The following FKBP15 variants were observed in gnomAD, a reference collection of about 807,000 sequenced individuals.
FKBP15 encodes FKBP prolyl isomerase family member 15.
FKBP15 carries 106 observed loss-of-function variants against 158.1 expected under a neutral mutation model. The observed-to-expected ratio is 0.67, with a 90% CI of 0.57 to 0.79. FKBP15 has a LOEUF of 0.79. FKBP15 is among the 30% of genes least tolerant of loss of function. The pLI, the probability that FKBP15 is intolerant of heterozygous loss-of-function variation, is 0.00. For missense variants in FKBP15, 1,287 were observed against 1,479.1 expected (o/e 0.87, Z 2.13); for synonymous variants, 547 against 548.6 (o/e 1.00, Z 0.04).
At position 113,211,644 on chromosome 9, in the gene FKBP15, AATT is replaced by A. The variant is rs534386590; in HGVS notation, c.54-55_54-53del. 1.9e-4 allele frequency: 256 copies of A among 1,361,034 alleles called. 1 individual carries two copies. In the African/African-American group the frequency reaches 3.3e-3, roughly 17 times the overall value. The allele number at this position is 1,361,034 out of a possible 1,614,324, so 84.3% of individuals were successfully genotyped here. On this transcript the variant is annotated intron_variant, in intron 1 of 27. Transcript: ENST00000238256. ...TTTCACTGATATATCCCAAACCTGG[AATT>A]ATTATAAAAGCTGCTCATCTCCAAC...
rs367900934 is a variant in FKBP15, at chr9:113,187,777, G to C, written c.1383+16C>G. ...GCAAATTATAGGATATAATTAATAC[G>C]GTTATAAAATGTTACCTGAAAGGAT... On this transcript the variant is annotated intron_variant, in intron 14 of 27. Coordinates refer to ENST00000238256, the MANE Select transcript of FKBP15 (RefSeq NM_015258.2). 9 of 1,577,754 alleles carry C rather than the reference G, an allele frequency of 5.7e-6. No homozygotes were observed. In the African/African-American group the frequency reaches 1.1e-4, roughly 19 times the overall value.
rs1830045017 is a variant in FKBP15 at position 113,163,159 on chromosome 9, A to C, written c.*2919T>G. On this transcript the variant is annotated 3_prime_UTR_variant, in exon 28 of 28. Transcript: ENST00000238256. ...CTTGTGTCTTAAGACAGCTGCTGTG[A>C]CCAAAGGGAGAATGGAGATAACAGG... 5.8e-6 allele frequency: 2 copies of C among 345,618 alleles called. No homozygotes were observed. Among genetic ancestry groups the C allele is most frequent in the Non-Finnish European group, 1.0e-5 (2 of 191,676 alleles). The allele number at this position is 345,618 out of a possible 1,614,324, so 21.4% of individuals were successfully genotyped here.
chr9:113,194,679 T>A (rs1236570741), intron 9 of FKBP15, among the ~76,000 whole-genome samples: 2 of 152,202 alleles, frequency 1.3e-5, no homozygotes, highest in Non-Finnish European at 2.9e-5. Flanking sequence ...GCCATGCTGT[T>A]TTGTAACCTG....
rs146045284 is a variant in FKBP15, at chr9:113,214,515, C to T, written c.54-2923G>A. Among the ~76,000 whole-genome samples the T allele has an allele frequency of 5.0e-4, 76 of 152,276 alleles. 1 individual carries two copies. Among genetic ancestry groups the T allele is most frequent in the African/African-American group, 1.7e-3 (70 of 41,554 alleles). ...AATATTCAGTAAACTATGCTATAAA[C>T]AGATGTGCTGTCATCCAGGCTTTGT... is the stretch of plus-strand genomic sequence containing the variant. On this transcript the variant is annotated intron_variant, in intron 1 of 27. Coordinates refer to ENST00000238256, the MANE Select transcript of FKBP15 (RefSeq NM_015258.2).
At position 113,161,630 on chromosome 9, in the gene FKBP15, G is replaced by C; in HGVS notation, c.*4448C>G. The C allele has an allele frequency of 6.2e-7, 1 of 1,614,020 alleles. No individual in the cohort carries two copies. The highest frequency in any genetic ancestry group is 1.6e-4 in the Middle Eastern group (1 of 6,062). On this transcript the variant is annotated 3_prime_UTR_variant, in exon 28 of 28. Coordinates refer to ENST00000238256, the MANE Select transcript of FKBP15 (RefSeq NM_015258.2). The stretch of plus-strand genomic sequence containing the variant: ...ACCTGCCAACCTCCATCAGCCAGCA[G>C]ACCATCGCAGAGACAGACGGGGACT...
At chr9:113,212,900 A>G (rs551122629) in intron 1 of FKBP15, among the ~76,000 whole-genome samples, 3 of 152,188 alleles carry the variant, frequency 2.0e-5, no homozygotes, top group Admixed American at 2.0e-4. Flanking sequence ...GAAAACATAG[A>G]TATCCCACAG....
At chr9:113,171,437 A>G in intron 24 of FKBP15, 144 bp downstream of exon 24, 1 of 1,124,452 alleles carries the variant, frequency 8.9e-7, no homozygotes, top group Non-Finnish European at 1.2e-6. Context: ...ACAAACAAAC[A>G]CCAAATCTGG....
At chr9:113,197,960 G>C (rs1480104358) in intron 8 of FKBP15, among the ~76,000 whole-genome samples, 1 of 152,214 alleles carries the variant, frequency 6.6e-6, no homozygotes, top group Non-Finnish European at 1.5e-5. Context: ...AAATGATGGA[G>C]AGAACCTTTT....
Position 113,207,260 on chromosome 9 carries a change from ATGGTGGC to A in FKBP15, c.199_205del (p.Ala67Ter). The A allele has an allele frequency of 6.2e-7, 1 of 1,613,254 alleles. No individual in the cohort carries two copies. Among genetic ancestry groups the A allele is most frequent in the Non-Finnish European group, 8.5e-7 (1 of 1,179,602 alleles). Reference sequence around the variant, plus strand: ...TGCGACCAGTATTGTGGGAGTGCTCATGGTGGCTGGTGCTGTTTTTGGTGTTGCCTGA... The same window carrying A: ...TGCGACCAGTATTGTGGGAGTGCTCATGGTGCTGTTTTTGGTGTTGCCTGA... On this transcript the variant is annotated frameshift_variant, in exon 3 of 28. Transcript: ENST00000238256. LOFTEE classifies it high-confidence loss of function.
Position 113,162,925 on chromosome 9 carries a change from G to A in FKBP15, c.*3153C>T, listed in dbSNP as rs765651761. 1 of 1,598,510 alleles carries A rather than the reference G, an allele frequency of 6.3e-7. No homozygotes were observed. The highest frequency in any genetic ancestry group is 1.1e-5 in the South Asian group (1 of 89,210). ...CTTCTCAGCACAGCTTAGCTGGTGA[G>A]GAACGTGCAGGCACTGAGGCTGGAG... On this transcript the variant is annotated 3_prime_UTR_variant, in exon 28 of 28. Coordinates refer to ENST00000238256, the MANE Select transcript of FKBP15 (RefSeq NM_015258.2).
chr9:113,184,210 G>T lies in FKBP15; in HGVS notation c.1716+82C>A. 1.1e-6 allele frequency: 1 copy of T among 885,724 alleles called. No homozygotes were observed. The highest frequency in any genetic ancestry group is 1.8e-6 in the Non-Finnish European group (1 of 554,912). The allele number at this position is 885,724 out of a possible 1,614,324, so 54.9% of individuals were successfully genotyped here. A position where few individuals can be genotyped will look rare whatever the true frequency, so the allele number is the denominator to read the frequency against. ...TTTATCACAGGCTATTTCTGGGGTGGAGGTGTTAAAGAGTAGTACCTCTGA... is the reference window on the plus strand; with the variant it reads ...TTTATCACAGGCTATTTCTGGGGTGTAGGTGTTAAAGAGTAGTACCTCTGA... On this transcript the variant is annotated intron_variant, in intron 17 of 27. Transcript: ENST00000238256. The surrounding 1 kb of genome is among the most constrained non-coding windows in gnomAD (Gnocchi z 4.5).
intron 1 of FKBP15, among the ~76,000 whole-genome samples, chr9:113,220,727 T>G (rs181773217): frequency 6.6e-6 from 1 of 152,196 alleles, no homozygotes. Context: ...CAATTCATTC[T>G]GCCTGAGGTT....
At position 113,178,686 on chromosome 9, in the gene FKBP15, A is replaced by G; in HGVS notation, c.2030T>C (p.Leu677Pro). The G allele has an allele frequency of 6.2e-7, 1 of 1,610,010 alleles. No individual in the cohort carries two copies. The highest frequency in any genetic ancestry group is 8.5e-7 in the Non-Finnish European group (1 of 1,178,258). The change falls in exon 20 of 28, where the codon CTG becomes CCG. Residue 677 changes from leucine to proline, a missense_variant. Physicochemically the swap from Leu to Pro is moderately conservative, Grantham distance 98. Coordinates refer to ENST00000238256, the MANE Select transcript of FKBP15 (RefSeq NM_015258.2). ...TELQMQLTES[L>P]KETDLLRGQL... ...GCCCCTGAGAAGATCTGTCTCCTTC[A>G]GGCTTTCTGTCAGCTGCATCTGCAG...
rs189472163 is a variant in FKBP15, at chr9:113,168,466, G to C, written c.3576C>G (p.Asp1192Glu). Residue 1192 changes from aspartate (D) to glutamate (E), a missense_variant, in exon 27 of 28, where the codon GAC (aspartate) becomes GAG (glutamate). Coordinates refer to ENST00000238256, the MANE Select transcript of FKBP15 (RefSeq NM_015258.2). ...GTGCCTGGGATTTCCTTACCACCTC[G>C]TCTTCATCCTCCTCCTCAGGCTGTG... is the stretch of plus-strand genomic sequence containing the variant. The part of the protein sequence containing the change: ...PKAQPEEEDE[D>E]EVSMKGRPPP... The C allele has an allele frequency of 6.2e-7, 1 of 1,613,800 alleles. No individual in the cohort carries two copies. The highest frequency in any genetic ancestry group is 2.2e-5 in the East Asian group (1 of 44,878).
At chr9:113,188,767 G>A (rs1240209600) in intron 12 of FKBP15, among the ~76,000 whole-genome samples, 1 of 152,180 alleles carries the variant, frequency 6.6e-6, no homozygotes, top group Non-Finnish European at 1.5e-5. Context: ...TCTATTGTCT[G>A]AAGCAGCTAA....
chr9:113,182,736 C>T (rs1830420579), intron 19 of FKBP15, 30 bp downstream of exon 19: 1 of 1,578,648 alleles, frequency 6.3e-7, no homozygotes, highest in Non-Finnish European at 8.7e-7. Context: ...CCCATCCTGA[C>T]CTGGGCTTTT....
chr9:113,206,613 T>G (rs577778139), intron 3 of FKBP15, 35 bp from the exon 4 acceptor site: 17 of 1,499,104 alleles, frequency 1.1e-5, no homozygotes, highest in Non-Finnish European at 1.5e-5. Flanking sequence ...GTATTAATAC[T>G]TCCCTAAATT....
chr9:113,174,297 A>T (rs1000262391), intron 22 of FKBP15, 131 bp downstream of exon 22: 11 of 937,008 alleles, frequency 1.2e-5, no homozygotes, highest in African/African-American at 1.7e-5. Context: ...TACTTTTTCT[A>T]CCTTTCTCCA....
At chr9:113,203,552 CAG>C (rs1168050090) in intron 4 of FKBP15, among the ~76,000 whole-genome samples, 10 of 150,006 alleles carry the variant, frequency 6.7e-5, no homozygotes, top group South Asian at 2.1e-4. Flanking sequence ...CTTTTTGAGA[CAG>C]AGTCTCTCTG....
Sources: gnomAD v4.1 joint callset for allele counts (sites outside exome capture counted in the v4.1 genomes callset) on GRCh38, gnomAD v4.1.1 for gene constraint, Gnocchi (gnomAD v3.1) non-coding constraint, MANE v1.5 for transcripts, NCBI Gene and HGNC (gene_info 2026-07-23, HGNC 2026-07-21) for gene names.